The following TEX2 variants were observed in gnomAD, a reference collection of about 807,000 sequenced individuals.
The protein encoded by TEX2 is testis-expressed protein 2.
Under a neutral mutation model 106.9 loss-of-function variants are expected in TEX2, and 53 were observed. The ratio of observed to expected loss-of-function variants is 0.50; its 90% CI spans 0.40 to 0.62. The LOEUF (loss-of-function observed/expected upper bound fraction) is 0.62. Ranked by LOEUF, TEX2 falls within the 20% of genes least tolerant of loss-of-function variation. TEX2 has a pLI of 0.00. For missense variants in TEX2, 1,207 were observed against 1,379.0 expected (o/e 0.88, Z 1.98); for synonymous variants, 523 against 534.8 (o/e 0.98, Z 0.30).
intron 2 of TEX2, among the ~76,000 whole-genome samples, chr17:64,201,653 C>T (rs201696399): frequency 2.6e-5 from 4 of 152,262 alleles, no homozygotes; most frequent in African/African-American, 9.6e-5. Context: ...CACGGCCCCA[C>T]CTGCAGTCTG....
chr17:64,164,442 A>C (rs924612448), intron 7 of TEX2, among the ~76,000 whole-genome samples: 1 of 152,016 alleles, frequency 6.6e-6, no homozygotes, highest in African/African-American at 2.4e-5. Context: ...AGAAAAAAAA[A>C]AAAAACCCTG....
intron 1 of TEX2, among the ~76,000 whole-genome samples, chr17:64,216,786 C>G (rs2033201027): frequency 6.6e-6 from 1 of 152,200 alleles, no homozygotes; most frequent in South Asian, 2.1e-4. Flanking sequence ...ATCCTCCACA[C>G]ACTTGGGCCC....
chr17:64,168,290 T>C (rs941553345), intron 7 of TEX2, among the ~76,000 whole-genome samples: 3 of 152,348 alleles, frequency 2.0e-5, no homozygotes, highest in Non-Finnish European at 2.9e-5. Context: ...GCATCATTTG[T>C]GGACTTGGAA....
intron 4 of TEX2, among the ~76,000 whole-genome samples, chr17:64,191,214 C>T (rs74613324): frequency 0.013 from 1,949 of 152,294 alleles, 51 homozygotes; most frequent in African/African-American, 0.045. Context: ...TGAAGGTTTT[C>T]CCACATCTCT....
At chr17:64,225,025 T>C (rs1203819721) in intron 1 of TEX2, among the ~76,000 whole-genome samples, 1 of 151,648 alleles carries the variant, frequency 6.6e-6, no homozygotes, top group Non-Finnish European at 1.5e-5. Flanking sequence ...AACCCTAGAA[T>C]AAGTAATGAT....
At position 64,212,734 on chromosome 17, in the gene TEX2, A is replaced by G; in HGVS notation, c.1484T>C (p.Val495Ala). The G allele has an allele frequency of 6.2e-7, 1 of 1,614,198 alleles. No homozygotes were observed. The highest frequency in any genetic ancestry group is 8.5e-7 in the Non-Finnish European group (1 of 1,180,038). The change falls in exon 2 of 12, where the codon GTG becomes GCG. Residue 495 changes from valine to alanine, a missense_variant. Transcript: ENST00000584379. The stretch of plus-strand genomic sequence containing the variant: ...GCCAATTCCCAGAAAGAGTCCACTC[A>G]CATAGTGGGGGAGGGGGAGGATGAG... ...VYLILPLPHY[V>A]SGLFLGIGLG...
At chr17:64,250,408 TC>T (rs1233151349) in intron 1 of TEX2, among the ~76,000 whole-genome samples, 1 of 152,162 alleles carries the variant, frequency 6.6e-6, no homozygotes, top group African/African-American at 2.4e-5. Flanking sequence ...AGTCACAAGC[TC>T]CCTTGCCCTC....
At chr17:64,225,944 C>T (rs966954368) in intron 1 of TEX2, among the ~76,000 whole-genome samples, 4 of 152,154 alleles carry the variant, frequency 2.6e-5, no homozygotes, top group African/African-American at 9.7e-5. Flanking sequence ...TCTTGAACTC[C>T]TGGCCTCAGG....
At chr17:64,155,216 C>A (rs1044361445) in intron 8 of TEX2, 20 of 376,900 alleles carry the variant, frequency 5.3e-5, no homozygotes, top group Non-Finnish European at 8.4e-5. Context: ...GGCCTTGGAC[C>A]CAGAAGAGGT....
At chr17:64,181,778 A>G (rs1247438636) in intron 5 of TEX2, among the ~76,000 whole-genome samples, 1 of 150,662 alleles carries the variant, frequency 6.6e-6, no homozygotes, top group Non-Finnish European at 1.5e-5. Context: ...GGCCTCCCAA[A>G]GTGCTGAGAT....
At chr17:64,244,971 A>G (rs1425624487) in intron 1 of TEX2, among the ~76,000 whole-genome samples, 1 of 152,122 alleles carries the variant, frequency 6.6e-6, no homozygotes, top group African/African-American at 2.4e-5. Flanking sequence ...CCCATTACCA[A>G]TATTCTTTCA....
rs149772688 is a variant in TEX2, at chr17:64,160,881, G to A, written c.2724C>T (p.Leu908=). ...GTTTGGTCAAATTCATTTTGGTCTC[G>A]AGAGTCATCAGAAAGGACCCATTGT... ...MSYNGSFLMT[L]ETKMNLTKLG... The change falls in exon 8 of 12, where the codon CTC becomes CTT. Residue 908 remains leucine, a synonymous_variant. Transcript: ENST00000584379. The A allele has an allele frequency of 1.5e-4, 237 of 1,614,038 alleles. No individual in the cohort carries two copies. The African/African-American group carries it at 2.4e-3, about 16-fold the overall frequency.
intron 1 of TEX2, among the ~76,000 whole-genome samples, chr17:64,228,663 T>C (rs1217976524): frequency 6.6e-6 from 1 of 152,106 alleles, no homozygotes; most frequent in Non-Finnish European, 1.5e-5. Context: ...CACCCACAGC[T>C]CACCTCCTGG....
At chr17:64,151,008 T>C (rs776567627) in intron 10 of TEX2, 47 bp from the exon 11 acceptor site, 1 of 1,606,164 alleles carries the variant, frequency 6.2e-7, no homozygotes, top group Non-Finnish European at 8.5e-7. Flanking sequence ...AAGCAAGGAA[T>C]GAGACAGGCA....
intron 8 of TEX2, 152 bp downstream of exon 8, chr17:64,160,649 A>C: frequency 9.7e-7 from 1 of 1,034,974 alleles, no homozygotes; most frequent in Non-Finnish European, 1.4e-6. Context: ...AGACTAGGAA[A>C]CCATTCCCTG....
At chr17:64,163,981 G>A (rs1880593) in intron 7 of TEX2, among the ~76,000 whole-genome samples, 80,045 of 151,624 alleles carry the variant, frequency 0.53, 22,828 homozygotes, top group East Asian at 0.82. Context: ...ATTGAGGAGT[G>A]GGATAATCTT....
intron 1 of TEX2, among the ~76,000 whole-genome samples, chr17:64,260,432 G>A (rs1486189002): frequency 6.6e-6 from 1 of 151,360 alleles, no homozygotes; most frequent in Non-Finnish European, 1.5e-5. Context: ...GCCTCCCAAG[G>A]TACTGGGATT....
intron 7 of TEX2, among the ~76,000 whole-genome samples, chr17:64,164,791 T>C (rs930830703): frequency 2.0e-5 from 3 of 152,194 alleles, no homozygotes; most frequent in African/African-American, 7.2e-5. Context: ...TTGGCGTATG[T>C]CCCCACAGAT....
intron 5 of TEX2, among the ~76,000 whole-genome samples, chr17:64,178,711 C>T (rs747628736): frequency 1.2e-4 from 18 of 152,338 alleles, no homozygotes; most frequent in Non-Finnish European, 2.1e-4. Context: ...AATTATTCCC[C>T]CTTTCCCCTC....
Sources: allele counts gnomAD v4.1 joint callset (sites outside exome capture counted in the v4.1 genomes callset), GRCh38; gene constraint gnomAD v4.1.1; transcripts MANE v1.5; gene names NCBI Gene and HGNC (gene_info 2026-07-23, HGNC 2026-07-21).